DMD: variants seen among roughly 807,000 people sequenced by gnomAD.
DMD encodes mutant dystrophin.
Under a neutral mutation model 330.1 loss-of-function variants are expected in DMD, and 63 were observed. The observed-to-expected ratio is 0.19, with a 90% confidence interval of 0.16 to 0.24. The LOEUF (loss-of-function observed/expected upper bound fraction) is 0.24, where lower values mean the gene tolerates loss of function less well. DMD is among the 10% of genes least tolerant of loss of function. The pLI, the probability that DMD is intolerant of heterozygous loss-of-function variation, is 1.00. For missense variants in DMD, 3,344 were observed against 2,684.1 expected (o/e 1.25, Z -5.43); for synonymous variants, 1,223 against 959.8 (o/e 1.27, Z -5.07).
intron 1 of DMD, among the ~76,000 whole-genome samples, chrX:33,327,466 T>A (rs1021777996): frequency 8.9e-6 from 1 of 112,051 alleles, no homozygotes; most frequent in Admixed American, 9.5e-5. Context: ...AGTAATAATC[T>A]GGTCTCTGGA....
intron 44 of DMD, among the ~76,000 whole-genome samples, chrX:32,171,748 T>C (rs1389326238): frequency 8.9e-6 from 1 of 111,892 alleles, no homozygotes; most frequent in East Asian, 2.8e-4. Context: ...GAAATGTACA[T>C]AGACCTTTAT....
chrX:31,551,842 T>C (rs1202210270), intron 55 of DMD, among the ~76,000 whole-genome samples: 1 of 112,043 alleles, frequency 8.9e-6, no homozygotes, highest in Admixed American at 9.5e-5. Context: ...GCAGGCAAAA[T>C]TGTAAATGAG....
intron 44 of DMD, among the ~76,000 whole-genome samples, chrX:32,191,791 T>C (rs766921027): frequency 8.9e-6 from 1 of 112,300 alleles, no homozygotes. Flanking sequence ...TAAATACTTA[T>C]TACATTGTAC....
chrX:32,656,909 T>C (rs934175223), intron 9 of DMD, among the ~76,000 whole-genome samples: 2 of 111,683 alleles, frequency 1.8e-5, no homozygotes, highest in Non-Finnish European at 3.8e-5. Flanking sequence ...GCATAAAATA[T>C]TCATAGTTTC....
chrX:33,246,650 A>T (rs148309933), intron 1 of DMD, among the ~76,000 whole-genome samples: 25 of 111,177 alleles, frequency 2.2e-4, no homozygotes, highest in African/African-American at 7.9e-4. Context: ...AATTAGAGAA[A>T]TTATTTCATT....
chrX:32,092,486 C>T (rs974130753), intron 44 of DMD, among the ~76,000 whole-genome samples: 2 of 111,425 alleles, frequency 1.8e-5, no homozygotes, highest in Admixed American at 9.6e-5. Flanking sequence ...ATGAGGAATA[C>T]AATTCTTTGG....
chrX:32,840,175 A>C (rs757015065), intron 4 of DMD, among the ~76,000 whole-genome samples: 5 of 111,872 alleles, frequency 4.5e-5, no homozygotes, highest in Non-Finnish European at 9.4e-5. Flanking sequence ...CTCAGATGAA[A>C]GCATTGTTAA....
chrX:32,691,817 T>A (rs149156867), intron 9 of DMD, among the ~76,000 whole-genome samples: 2,479 of 111,310 alleles, frequency 0.022, 53 homozygotes, highest in African/African-American at 0.075. Flanking sequence ...AAGAGATTAC[T>A]ATTAATATTC....
chrX:31,593,921 C>A (rs2076994335), intron 55 of DMD, among the ~76,000 whole-genome samples: 1 of 111,251 alleles, frequency 9.0e-6, no homozygotes. Flanking sequence ...ATATTATCAA[C>A]ATTTCATAAG....
chrX:31,145,583 C>G lies in DMD; in HGVS notation c.10921+708G>C, dbSNP rs1023218571. Among the ~76,000 whole-genome samples the G allele has an allele frequency of 6.4e-4, 71 of 111,215 alleles. 1 individual carries two copies. Among genetic ancestry groups the G allele is most frequent in the African/African-American group, 2.1e-3 (65 of 30,595 alleles). ...ATTATGTCCACAATCAGAAGTTTCA[C>G]TATCTTCTTCCAACCAAATCCTCTC... On this transcript the variant is annotated intron_variant, in intron 76 of 78. Transcript: ENST00000357033.
chrX:32,820,187 C>G (rs1569528586), intron 5 of DMD, among the ~76,000 whole-genome samples: 1 of 112,504 alleles, frequency 8.9e-6, no homozygotes, highest in East Asian at 2.8e-4. Context: ...CGCCTGTAAT[C>G]CAAACACTTT....
At chrX:32,160,006 G>T (rs906814157) in intron 44 of DMD, among the ~76,000 whole-genome samples, 4 of 111,287 alleles carry the variant, frequency 3.6e-5, no homozygotes, top group Admixed American at 9.6e-5. Context: ...GCTACGGGAA[G>T]CTACTGAAGG....
intron 25 of DMD, among the ~76,000 whole-genome samples, chrX:32,460,362 GT>G (rs747045799): frequency 4.5e-4 from 48 of 105,885 alleles, no homozygotes; most frequent in Admixed American, 9.1e-4. Flanking sequence ...TTTCCTGCCT[GT>G]TTTTTTTTTC....
intron 11 of DMD, among the ~76,000 whole-genome samples, chrX:32,618,282 C>A (rs1449095029): frequency 8.9e-6 from 1 of 112,182 alleles, no homozygotes; most frequent in African/African-American, 3.2e-5. Context: ...CAGTGGTAAA[C>A]TGGATAAAGA....
At chrX:31,453,493 G>A (rs1038128577) in intron 59 of DMD, among the ~76,000 whole-genome samples, 17 of 110,216 alleles carry the variant, frequency 1.5e-4, no homozygotes, top group African/African-American at 5.6e-4. Context: ...TAGAGTTTCA[G>A]TTTTGCAAGA....
At chrX:31,810,475 T>C (rs1372362476) in intron 50 of DMD, among the ~76,000 whole-genome samples, 1 of 111,940 alleles carries the variant, frequency 8.9e-6, no homozygotes, top group Non-Finnish European at 1.9e-5. Flanking sequence ...GGAACTTAGG[T>C]TAGGTAGTTG....
intron 11 of DMD, among the ~76,000 whole-genome samples, chrX:32,640,751 A>G (rs1429488576): frequency 9.0e-6 from 1 of 111,569 alleles, no homozygotes; most frequent in Non-Finnish European, 1.9e-5. Context: ...GGCCAACTTC[A>G]CTGGCCTAAT....
chrX:32,879,414 C>T (rs1406281315), intron 2 of DMD, among the ~76,000 whole-genome samples: 1 of 111,878 alleles, frequency 8.9e-6, no homozygotes, highest in Non-Finnish European at 1.9e-5. Context: ...GGTTAGACAA[C>T]CTCTGCTATG....
intron 44 of DMD, among the ~76,000 whole-genome samples, chrX:31,978,946 T>C (rs5972469): frequency 0.19 from 21,524 of 111,608 alleles, 1,729 homozygotes; most frequent in South Asian, 0.38. Context: ...GCAAAAGTTA[T>C]CTATCCTATA....
Sources: gnomAD v4.1 joint callset for allele counts (sites outside exome capture counted in the v4.1 genomes callset) on GRCh38, gnomAD v4.1.1 for gene constraint, MANE v1.5 for transcripts, NCBI Gene and HGNC (gene_info 2026-07-23, HGNC 2026-07-21) for gene names.